The following NKAIN3 variants were observed in gnomAD, a reference collection of about 807,000 sequenced individuals.
The protein encoded by NKAIN3 is sodium/potassium transporting ATPase interacting 3, also known as sodium/potassium-transporting ATPase subunit beta-1-interacting protein 3.
In NKAIN3, 25 loss-of-function variants were observed where a neutral mutation model predicts 30.2. The observed-to-expected ratio is 0.83, with a 90% confidence interval of 0.60 to 1.16. NKAIN3 has a LOEUF of 1.16. Among genes scored for constraint, NKAIN3 ranks in the 50% most tolerant of loss-of-function variants. The pLI is 0.00. For synonymous variants in NKAIN3, 91 were observed against 89.6 expected (o/e 1.02, Z -0.09); for missense variants, 225 against 254.1 (o/e 0.89, Z 0.78).
chr8:62,760,961 C>T (rs555338787), intron 4 of NKAIN3, among the ~76,000 whole-genome samples: 1 of 152,250 alleles, frequency 6.6e-6, no homozygotes, highest in South Asian at 2.1e-4. Flanking sequence ...GTTCTCTCAA[C>T]GGGTAACGTC....
At chr8:62,352,722 C>T (rs1816221962) in intron 1 of NKAIN3, among the ~76,000 whole-genome samples, 1 of 152,122 alleles carries the variant, frequency 6.6e-6, no homozygotes, top group Admixed American at 6.5e-5. Context: ...AACTGCTAAC[C>T]ACCATGAGGA....
chr8:62,438,494 G>A (rs980057336), intron 1 of NKAIN3, among the ~76,000 whole-genome samples: 4 of 152,114 alleles, frequency 2.6e-5, no homozygotes, highest in African/African-American at 4.8e-5. Context: ...GTTCCCTACC[G>A]TGTTACCTCT....
At chr8:62,799,195 TAATTTC>T (rs2130688755) in intron 4 of NKAIN3, among the ~76,000 whole-genome samples, 1 of 152,278 alleles carries the variant, frequency 6.6e-6, no homozygotes, top group East Asian at 1.9e-4. Flanking sequence ...CTGCCCAAAA[TAATTTC>T]ATCATGTTTG....
At chr8:62,987,320 G>A (rs2130930091), downstream of NKAIN3, among the ~76,000 whole-genome samples, 1 of 152,156 alleles carries the variant, frequency 6.6e-6, no homozygotes, top group South Asian at 2.1e-4. Flanking sequence ...TTGATTCTTG[G>A]AGAATCACAG....
At chr8:62,466,322 T>A (rs1380625630) in intron 1 of NKAIN3, among the ~76,000 whole-genome samples, 3 of 152,204 alleles carry the variant, frequency 2.0e-5, no homozygotes, top group Non-Finnish European at 2.9e-5. Context: ...TTCTTTCCAA[T>A]GACCAATTTT....
At chr8:62,910,228 C>A (rs1286151504) in intron 4 of NKAIN3, among the ~76,000 whole-genome samples, 1 of 152,018 alleles carries the variant, frequency 6.6e-6, no homozygotes, top group East Asian at 1.9e-4. Flanking sequence ...TTATAATAAT[C>A]CATGGTCTTA....
intron 1 of NKAIN3, among the ~76,000 whole-genome samples, chr8:62,340,341 G>A (rs1815701668): frequency 6.6e-6 from 1 of 151,952 alleles, no homozygotes; most frequent in Non-Finnish European, 1.5e-5. Flanking sequence ...GGGTCTTCAA[G>A]GGAGAAAGGA....
chr8:62,719,758 T>TTC (rs1306271694), intron 3 of NKAIN3, among the ~76,000 whole-genome samples: 2 of 143,270 alleles, frequency 1.4e-5, no homozygotes, highest in African/African-American at 5.2e-5. Context: ...TCTTTCTTTT[T>TTC]TTTTTTTTTT....
chr8:62,911,298 C>G (rs1821919354), intron 4 of NKAIN3, among the ~76,000 whole-genome samples: 1 of 152,142 alleles, frequency 6.6e-6, no homozygotes, highest in Non-Finnish European at 1.5e-5. Flanking sequence ...TTGCTTACCT[C>G]TCACCTATAT....
At chr8:62,575,172 G>A (rs556483694) in intron 1 of NKAIN3, among the ~76,000 whole-genome samples, 5 of 152,062 alleles carry the variant, frequency 3.3e-5, no homozygotes, top group Admixed American at 3.3e-4. Flanking sequence ...GAAGGAAGAA[G>A]TCAAATTAGC....
At chr8:62,266,355 T>C (rs972085668) in intron 1 of NKAIN3, among the ~76,000 whole-genome samples, 1 of 152,200 alleles carries the variant, frequency 6.6e-6, no homozygotes, top group Admixed American at 6.5e-5. Context: ...GTAACCTTGG[T>C]AGGAATTACC....
intron 3 of NKAIN3, among the ~76,000 whole-genome samples, chr8:62,668,288 A>G (rs1813194533): frequency 6.6e-6 from 1 of 152,208 alleles, no homozygotes; most frequent in East Asian, 1.9e-4. Flanking sequence ...AGTGCCTAGA[A>G]CTGGGCCTAA....
chr8:62,807,937 T>C (rs936003174), intron 4 of NKAIN3, among the ~76,000 whole-genome samples: 12 of 151,840 alleles, frequency 7.9e-5, no homozygotes, highest in Admixed American at 6.6e-5. Context: ...GAATGAATAC[T>C]GGAATAGTTA....
chr8:62,866,967 A>G (rs1820439098), intron 4 of NKAIN3, among the ~76,000 whole-genome samples: 1 of 151,658 alleles, frequency 6.6e-6, no homozygotes, highest in African/African-American at 2.4e-5. Context: ...AGGCAGGAGA[A>G]TGGCGTGAAC....
intron 1 of NKAIN3, among the ~76,000 whole-genome samples, chr8:62,365,771 TA>T (rs1478999096): frequency 1.1e-3 from 11 of 10,254 alleles, no homozygotes; most frequent in African/African-American, 1.7e-3. Context: ...TTTCTCACTA[TA>T]AAATTTTTTT....
intron 4 of NKAIN3, among the ~76,000 whole-genome samples, chr8:62,761,797 G>A (rs1401756184): frequency 2.0e-5 from 3 of 152,158 alleles, no homozygotes; most frequent in Non-Finnish European, 4.4e-5. Flanking sequence ...TGCAGAATAG[G>A]TTTTGTAACT....
intron 4 of NKAIN3, among the ~76,000 whole-genome samples, chr8:62,766,322 C>T (rs1431752855): frequency 6.6e-6 from 1 of 152,092 alleles, no homozygotes. Context: ...AAAACTAAGG[C>T]AAGAAAATGC....
At chr8:62,915,834 TC>T (rs1255735060) in intron 4 of NKAIN3, among the ~76,000 whole-genome samples, 2 of 152,066 alleles carry the variant, frequency 1.3e-5, no homozygotes, top group Non-Finnish European at 2.9e-5. Context: ...AAAGGCTTTT[TC>T]CCCCATAAGA....
chr8:62,507,892 C>A (rs903730067), intron 1 of NKAIN3, among the ~76,000 whole-genome samples: 1 of 152,128 alleles, frequency 6.6e-6, no homozygotes, highest in Non-Finnish European at 1.5e-5. Flanking sequence ...ATCCAGTGAT[C>A]TTTGGAGAGA....
Sources: gnomAD v4.1 joint callset for allele counts (sites outside exome capture counted in the v4.1 genomes callset) on GRCh38, gnomAD v4.1.1 for gene constraint, MANE v1.5 for transcripts, NCBI Gene and HGNC (gene_info 2026-07-23, HGNC 2026-07-21) for gene names.